Variants in MAP2 observed in about 807,000 individuals in gnomAD.
MAP2 encodes microtubule associated protein 2, also known as microtubule-associated protein 2.
A neutral mutation model predicts 137.6 loss-of-function variants in MAP2; 14 were observed. The ratio of observed to expected loss-of-function variants is 0.10; its 90% CI spans 0.07 to 0.16. The LOEUF (loss-of-function observed/expected upper bound fraction) is 0.16, where lower values mean the gene tolerates loss of function less well. Ranked by LOEUF, MAP2 falls within the 10% of genes least tolerant of loss-of-function variation. The pLI is 1.00. For missense variants in MAP2, 2,088 were observed against 2,191.5 expected, an observed-to-expected ratio of 0.95 and a Z score of 0.94; for synonymous variants, 786 against 782.3, an observed-to-expected ratio of 1.00 and a Z score of -0.08.
intron 3 of MAP2, among the ~76,000 whole-genome samples, chr2:209,581,147 G>T (rs2076323889): frequency 1.3e-5 from 2 of 152,168 alleles, no homozygotes; most frequent in African/African-American, 2.4e-5. Flanking sequence ...AGGTGAAGGA[G>T]AGTAATACAT....
intron 2 of MAP2, among the ~76,000 whole-genome samples, chr2:209,546,013 G>T (rs1270060549): frequency 6.6e-6 from 1 of 152,114 alleles, no homozygotes; most frequent in Non-Finnish European, 1.5e-5. Context: ...CGTGGTGGCA[G>T]GTACCTGTAG....
chr2:209,534,965 A>T (rs1330154168), intron 2 of MAP2, among the ~76,000 whole-genome samples: 1 of 115,608 alleles, frequency 8.6e-6, no homozygotes, highest in Non-Finnish European at 1.8e-5. Flanking sequence ...AGTGGTTTTT[A>T]GTATATTAAC....
At chr2:209,487,145 A>G (rs1004204891) in intron 1 of MAP2, among the ~76,000 whole-genome samples, 3 of 152,164 alleles carry the variant, frequency 2.0e-5, no homozygotes, top group South Asian at 2.1e-4. Flanking sequence ...TTGCAATTTT[A>G]TTTATTAAAT....
rs142028173 is a variant in MAP2, at chr2:209,475,608, T to C, written c.-221-31984T>C. Among the ~76,000 whole-genome samples, 3 of 152,256 alleles carry C rather than the reference T, an allele frequency of 2.0e-5. No homozygotes were observed. The East Asian group carries it at 5.8e-4, about 29-fold the overall frequency. ...CTTAGGGGTCAAATCAATATTGTTA[T>C]GTTCAAGTAGGAAACAACCATTTTT... On this transcript the variant is annotated intron_variant, in intron 1 of 15. Coordinates refer to ENST00000682079, the MANE Select transcript of MAP2 (RefSeq NM_001375505.1).
chr2:209,453,960 G>T (rs1470050266), intron 1 of MAP2, among the ~76,000 whole-genome samples: 1 of 151,968 alleles, frequency 6.6e-6, no homozygotes, highest in Non-Finnish European at 1.5e-5. Flanking sequence ...GACCAACCTG[G>T]CTAACACAGT....
chr2:209,684,143 C>T (rs1437671436), intron 7 of MAP2, among the ~76,000 whole-genome samples: 2 of 152,110 alleles, frequency 1.3e-5, no homozygotes, highest in Admixed American at 6.5e-5. Context: ...TCTTTTTGGC[C>T]TAATCATAAT....
chr2:209,454,024 G>A (rs1399279130), intron 1 of MAP2, among the ~76,000 whole-genome samples: 1 of 151,710 alleles, frequency 6.6e-6, no homozygotes, highest in African/African-American at 2.4e-5. Flanking sequence ...GGTGGCGGGC[G>A]CCTGTAGTCC....
At chr2:209,457,699 G>A (rs887731548) in intron 1 of MAP2, among the ~76,000 whole-genome samples, 1 of 152,124 alleles carries the variant, frequency 6.6e-6, no homozygotes, top group Non-Finnish European at 1.5e-5. Flanking sequence ...TAAACTCTAT[G>A]CATCACATGA....
intron 1 of MAP2, among the ~76,000 whole-genome samples, chr2:209,507,318 A>G (rs992650959): frequency 2.6e-5 from 4 of 152,208 alleles, no homozygotes; most frequent in Non-Finnish European, 5.9e-5. Flanking sequence ...GAATATAAAC[A>G]TAGGACTTCT....
chr2:209,543,990 G>A (rs1290447587), intron 2 of MAP2, among the ~76,000 whole-genome samples: 1 of 152,178 alleles, frequency 6.6e-6, no homozygotes, highest in East Asian at 1.9e-4. Flanking sequence ...AGCACTTTGG[G>A]AGGCCGAGGT....
Position 209,695,311 on chromosome 2 carries a change from T to C in MAP2, c.3141T>C (p.Asp1047=), listed in dbSNP as rs528352390. ...ATTTTGCTGTCCAGGGTCAACTAGA[T>C]GTTAAAATTAGTGACTTTGGACAGA... The part of the protein sequence containing the change: ...GLDFAVQGQL[D]VKISDFGQMA... The change falls in exon 8 of 16, where the codon GAT becomes GAC. Residue 1047 remains aspartate, a synonymous_variant. Transcript: ENST00000682079. 5.6e-6 allele frequency: 9 copies of C among 1,613,754 alleles called. No individual in the cohort carries two copies. Among genetic ancestry groups the C allele is most frequent in the Non-Finnish European group, 6.8e-6 (8 of 1,179,958 alleles).
intron 1 of MAP2, among the ~76,000 whole-genome samples, chr2:209,472,767 T>C (rs1382363742): frequency 1.3e-5 from 2 of 152,176 alleles, no homozygotes; most frequent in Non-Finnish European, 2.9e-5. Flanking sequence ...CTGAAATTGC[T>C]TAGTCATTGT....
At chr2:209,513,533 A>G (rs1441798089) in intron 2 of MAP2, among the ~76,000 whole-genome samples, 1 of 149,266 alleles carries the variant, frequency 6.7e-6, no homozygotes, top group Non-Finnish European at 1.5e-5. Flanking sequence ...TTACATATGA[A>G]GACTATAGAG....
intron 2 of MAP2, among the ~76,000 whole-genome samples, chr2:209,524,102 G>A (rs2063673385): frequency 6.6e-6 from 1 of 152,032 alleles, no homozygotes; most frequent in African/African-American, 2.4e-5. Context: ...TGTGGTATGA[G>A]TAAATGTTGT....
At chr2:209,491,270 C>T (rs1251162024) in intron 1 of MAP2, among the ~76,000 whole-genome samples, 1 of 152,060 alleles carries the variant, frequency 6.6e-6, no homozygotes, top group Admixed American at 6.5e-5. Context: ...CACAATGTAC[C>T]AGAATCTCTG....
In MAP2 at chr2:209,543,570, A is replaced by G. The variant is rs574584772; in HGVS notation, c.-172+35929A>G. On this transcript the variant is annotated intron_variant, in intron 2 of 15. Coordinates refer to ENST00000682079, the MANE Select transcript of MAP2 (RefSeq NM_001375505.1). Reference sequence around the variant, plus strand: ...GATTTTGCAATGCTGTATAGTATTCATAAATCTCCTTAGAATACAACGCTT... The same window carrying G: ...GATTTTGCAATGCTGTATAGTATTCGTAAATCTCCTTAGAATACAACGCTT... Among the ~76,000 whole-genome samples, 10 of 152,360 alleles carry G rather than the reference A, an allele frequency of 6.6e-5. No homozygotes were observed. The East Asian group carries it at 1.7e-3, about 26-fold the overall frequency.
At chr2:209,603,541 C>G (rs1291413237) in intron 3 of MAP2, among the ~76,000 whole-genome samples, 3 of 152,108 alleles carry the variant, frequency 2.0e-5, no homozygotes, top group African/African-American at 4.8e-5. Context: ...TTTAAGCAAG[C>G]ATTTTCAAAG....
chr2:209,641,166 A>T (rs1386858973), intron 4 of MAP2, among the ~76,000 whole-genome samples: 1 of 152,066 alleles, frequency 6.6e-6, no homozygotes, highest in Non-Finnish European at 1.5e-5. Flanking sequence ...TGGTGCAAAT[A>T]CTTATGGCCT....
intron 2 of MAP2, among the ~76,000 whole-genome samples, chr2:209,543,970 C>T (rs1214504378): frequency 6.6e-6 from 1 of 152,190 alleles, no homozygotes; most frequent in African/African-American, 2.4e-5. Context: ...TGGCTCACGC[C>T]TGTAATCCCA....
Sources: gnomAD v4.1 joint callset for allele counts (sites outside exome capture counted in the v4.1 genomes callset) on GRCh38, gnomAD v4.1.1 for gene constraint, MANE v1.5 for transcripts, NCBI Gene and HGNC (gene_info 2026-07-23, HGNC 2026-07-21) for gene names.